Variants in THSD7B observed in about 807,000 individuals in gnomAD.
THSD7B encodes thrombospondin type-1 domain-containing protein 7B.
A neutral mutation model predicts 213.6 loss-of-function variants in THSD7B; 138 were observed. That is an observed-to-expected ratio of 0.65 (90% CI 0.56 to 0.74). THSD7B has a LOEUF of 0.74. Among genes scored for constraint, THSD7B ranks in the 30% least tolerant of loss-of-function variants. The pLI is 0.00. For missense variants in THSD7B, 1,931 were observed against 1,991.5 expected, an observed-to-expected ratio of 0.97 and a Z score of 0.58; for synonymous variants, 742 against 687.0, an observed-to-expected ratio of 1.08 and a Z score of -1.25.
At chr2:137,262,132 G>T (rs368427796) in intron 10 of THSD7B, among the ~76,000 whole-genome samples, 1 of 152,020 alleles carries the variant, frequency 6.6e-6, no homozygotes, top group African/African-American at 2.4e-5. Flanking sequence ...CACAATGGTC[G>T]GCCTGAATAG....
rs371657547 is a variant in THSD7B at position 137,269,507 on chromosome 2, G to A, written c.2267-3026G>A. Among the ~76,000 whole-genome samples, 111 of 152,174 alleles carry A rather than the reference G, an allele frequency of 7.3e-4. 1 individual carries two copies. The South Asian group carries it at 0.018, about 24-fold the overall frequency. On this transcript the variant is annotated intron_variant, in intron 10 of 27. Coordinates refer to ENST00000409968, the MANE Select transcript of THSD7B (RefSeq NM_001316349.2). ...CATGTGAGGTGAAGGCATCCCTTTC[G>A]TTTTTTTCTATTGTTTTCAGTCCTT...
chr2:136,974,358 G>A (rs773159121), intron 2 of THSD7B, among the ~76,000 whole-genome samples: 1 of 146,482 alleles, frequency 6.8e-6, no homozygotes, highest in Admixed American at 6.8e-5. Context: ...TGAACCCCCC[G>A]CCCCGCACAG....
intron 12 of THSD7B, among the ~76,000 whole-genome samples, chr2:137,388,428 T>C (rs1381064506): frequency 2.0e-5 from 3 of 152,146 alleles, no homozygotes; most frequent in Non-Finnish European, 4.4e-5. Flanking sequence ...GTGGGGTACC[T>C]ATGATACTTT....
intron 7 of THSD7B, among the ~76,000 whole-genome samples, chr2:137,198,922 A>G (rs1680820642): frequency 6.6e-6 from 1 of 152,128 alleles, no homozygotes; most frequent in Non-Finnish European, 1.5e-5. Flanking sequence ...AATTGTCATT[A>G]TTTTGCCAAA....
chr2:137,123,588 C>G (rs1688580331), intron 5 of THSD7B, among the ~76,000 whole-genome samples: 1 of 152,266 alleles, frequency 6.6e-6, no homozygotes, highest in Middle Eastern at 3.4e-3. Context: ...CACTCAAATT[C>G]TCATTGTAGG....
intron 1 of THSD7B, among the ~76,000 whole-genome samples, chr2:136,833,426 A>ATTTTTT (rs1682792083): frequency 2.1e-5 from 1 of 46,744 alleles, no homozygotes; most frequent in African/African-American, 6.7e-5. Flanking sequence ...GATCTTGATT[A>ATTTTTT]TTTTCTATTT....
intron 12 of THSD7B, among the ~76,000 whole-genome samples, chr2:137,328,529 T>C (rs1057187204): frequency 1.3e-5 from 2 of 152,168 alleles, no homozygotes; most frequent in Non-Finnish European, 2.9e-5. Context: ...GCAGAATGTA[T>C]AATAGTAGCA....
intron 2 of THSD7B, among the ~76,000 whole-genome samples, chr2:137,041,873 C>T (rs765882120): frequency 2.0e-5 from 3 of 152,134 alleles, no homozygotes; most frequent in Non-Finnish European, 4.4e-5. Flanking sequence ...AGTAAAACCC[C>T]AGCACAGCAC....
chr2:137,042,390 TTCTC>T (rs1028364547), intron 2 of THSD7B, among the ~76,000 whole-genome samples: 11 of 152,102 alleles, frequency 7.2e-5, no homozygotes, highest in Non-Finnish European at 1.0e-4. Context: ...TGCAAAATAT[TTCTC>T]TCTCTCTCTT....
At chr2:137,484,791 A>C (rs1456442318) in intron 15 of THSD7B, among the ~76,000 whole-genome samples, 1 of 83,732 alleles carries the variant, frequency 1.2e-5, no homozygotes, top group African/African-American at 4.5e-5. Context: ...GCATTTTTTC[A>C]TGTGTTTTTT....
At chr2:136,944,579 A>C (rs933414067) in intron 2 of THSD7B, among the ~76,000 whole-genome samples, 4 of 152,028 alleles carry the variant, frequency 2.6e-5, no homozygotes, top group Admixed American at 2.6e-4. Flanking sequence ...TATTGGGTGC[A>C]TATATATATT....
chr2:137,296,272 T>C (rs1683461630), intron 12 of THSD7B, among the ~76,000 whole-genome samples: 1 of 152,170 alleles, frequency 6.6e-6, no homozygotes, highest in Admixed American at 6.5e-5. Flanking sequence ...ATAGTTTTCT[T>C]CAGCTTAACT....
At chr2:137,365,871 C>A (rs1685395176) in intron 12 of THSD7B, among the ~76,000 whole-genome samples, 1 of 152,146 alleles carries the variant, frequency 6.6e-6, no homozygotes, top group Admixed American at 6.5e-5. Flanking sequence ...TACCATTTGA[C>A]CCAGCCATCC....
intron 10 of THSD7B, among the ~76,000 whole-genome samples, chr2:137,262,612 G>T (rs1178518552): frequency 6.6e-6 from 1 of 152,088 alleles, no homozygotes; most frequent in East Asian, 1.9e-4. Context: ...TTAGCTAGAG[G>T]GCAGGTCGTA....
chr2:137,356,330 C>T (rs917738670), intron 12 of THSD7B, among the ~76,000 whole-genome samples: 2 of 152,146 alleles, frequency 1.3e-5, no homozygotes, highest in African/African-American at 4.8e-5. Flanking sequence ...AGGAATCCAC[C>T]TTAAAAATTA....
intron 12 of THSD7B, among the ~76,000 whole-genome samples, chr2:137,371,235 T>C (rs1422326064): frequency 6.6e-6 from 1 of 152,166 alleles, no homozygotes; most frequent in African/African-American, 2.4e-5. Flanking sequence ...TCTTCTCTCT[T>C]AGAGAAGTGC....
At chr2:137,591,629 C>G (rs1681866894) in intron 17 of THSD7B, among the ~76,000 whole-genome samples, 1 of 151,836 alleles carries the variant, frequency 6.6e-6, no homozygotes. Flanking sequence ...TTTCAATATT[C>G]TTGCGTCCTA....
chr2:137,250,319 C>T (rs1362328632), intron 10 of THSD7B, among the ~76,000 whole-genome samples: 1 of 152,000 alleles, frequency 6.6e-6, no homozygotes, highest in African/African-American at 2.4e-5. Flanking sequence ...TACATGTATA[C>T]ATGATGGAAT....
intron 12 of THSD7B, among the ~76,000 whole-genome samples, chr2:137,301,631 G>A (rs1326448159): frequency 6.6e-6 from 1 of 151,788 alleles, no homozygotes; most frequent in Non-Finnish European, 1.5e-5. Flanking sequence ...ATATTATGTT[G>A]ATCAAGGAAG....
Sources: allele counts gnomAD v4.1 joint callset (sites outside exome capture counted in the v4.1 genomes callset), GRCh38; gene constraint gnomAD v4.1.1; transcripts MANE v1.5; gene names NCBI Gene and HGNC (gene_info 2026-07-23, HGNC 2026-07-21).